Variants in MFHAS1 observed in about 807,000 individuals in gnomAD.
The protein encoded by MFHAS1 is multifunctional ROCO family signaling regulator 1, also known as malignant fibrous histiocytoma-amplified sequence 1.
A neutral mutation model predicts 70.4 loss-of-function variants in MFHAS1; 50 were observed. The ratio of observed to expected loss-of-function variants is 0.71; its 90% CI spans 0.57 to 0.90. MFHAS1 has a LOEUF of 0.90. Ranked by LOEUF, MFHAS1 falls within the 40% of genes least tolerant of loss-of-function variation. The pLI, the probability that MFHAS1 is intolerant of heterozygous loss-of-function variation, is 0.00. For missense variants in MFHAS1, 1,795 were observed against 1,347.6 expected (o/e 1.33, Z -5.20); for synonymous variants, 952 against 620.0 (o/e 1.54, Z -7.96).
Position 8,798,393 on chromosome 8 carries a change from A to C in MFHAS1, c.2999-902T>G, listed in dbSNP as rs145773802. On this transcript the variant is annotated intron_variant, in intron 1 of 2. Transcript: ENST00000276282. ...CAGGCTGAAGTGCAGTGGCCTAATC[A>C]CAGCTCTCTGCAGCCTCAATCTCCC... Among the ~76,000 whole-genome samples, 1,051 of 152,278 alleles carry C rather than the reference A, an allele frequency of 6.9e-3. 11 individuals carry two copies. The highest frequency in any genetic ancestry group is 0.024 in the African/African-American group (1,006 of 41,554).
At chr8:8,826,290 C>G (rs1223170870) in intron 1 of MFHAS1, among the ~76,000 whole-genome samples, 1 of 150,634 alleles carries the variant, frequency 6.6e-6, no homozygotes, top group Non-Finnish European at 1.5e-5. Flanking sequence ...CACACTGCTG[C>G]CTACCCAATA....
At chr8:8,886,339 A>AT (rs1016596679) in intron 1 of MFHAS1, among the ~76,000 whole-genome samples, 69 of 150,444 alleles carry the variant, frequency 4.6e-4, no homozygotes, top group African/African-American at 1.3e-3. Context: ...TTTATTTTTT[A>AT]TTTTTTTTTG....
chr8:8,797,058 CA>C, intron 2 of MFHAS1, among the ~76,000 whole-genome samples: 1 of 151,136 alleles, frequency 6.6e-6, no homozygotes, highest in Non-Finnish European at 1.5e-5. Context: ...AACTGAAAAC[CA>C]ATGAACTGTA....
intron 2 of MFHAS1, among the ~76,000 whole-genome samples, chr8:8,797,097 G>A (rs1209070456): frequency 1.3e-5 from 2 of 149,606 alleles, no homozygotes; most frequent in African/African-American, 5.0e-5. Flanking sequence ...TGTGGTATGT[G>A]AATGACATCT....
At chr8:8,888,374 C>G (rs1809851638) in intron 1 of MFHAS1, among the ~76,000 whole-genome samples, 1 of 152,144 alleles carries the variant, frequency 6.6e-6, no homozygotes, top group Admixed American at 6.6e-5. Context: ...GGGACGCAGT[C>G]TTCCATTTCA....
chr8:8,892,431 C>A lies in MFHAS1; in HGVS notation c.628G>T (p.Asp210Tyr), dbSNP rs1389621943. 1 of 1,612,098 alleles carries A rather than the reference C, an allele frequency of 6.2e-7. No individual in the cohort carries two copies. Among genetic ancestry groups the A allele is most frequent in the South Asian group, 1.1e-5 (1 of 90,884 alleles). The change falls in exon 1 of 3, where the codon GAC (aspartate) becomes TAC (tyrosine). Residue 210 changes from aspartate (D) to tyrosine (Y), a missense_variant. Physicochemically the swap from Asp to Tyr is radical, Grantham distance 160. Transcript: ENST00000276282. The surrounding 1 kb of genome is among the most constrained non-coding windows in gnomAD (Gnocchi z 4.7). ...LLQLVALEELDVSSNRLRGLP... is the reference protein window; with the variant it reads ...LLQLVALEELYVSSNRLRGLP... ...CCCCGCAGCCGGTTGCTGGACACGTCCAGCTCCTCCAGGGCCACCAGCTGC... is the reference window on the plus strand; with the variant it reads ...CCCCGCAGCCGGTTGCTGGACACGTACAGCTCCTCCAGGGCCACCAGCTGC...
chr8:8,784,972 AAC>A lies in MFHAS1; in HGVS notation c.*1048_*1049del, dbSNP rs1253527673. On this transcript the variant is annotated 3_prime_UTR_variant, in exon 3 of 3. Transcript: ENST00000276282. The stretch of plus-strand genomic sequence containing the variant: ...TGGGATTATGCTCTCCAGTGAATGT[AAC>A]TGGAGCCTAAATTCACAACCTTAAG... 8 of 152,186 alleles carry A rather than the reference AAC, an allele frequency of 5.3e-5. No individual in the cohort carries two copies. Among genetic ancestry groups the A allele is most frequent in the African/African-American group, 1.9e-4 (8 of 41,438 alleles). 9.4% of individuals were successfully genotyped at this position (152,186 alleles called of 1,614,324 possible).
chr8:8,873,970 G>A (rs963971031), intron 1 of MFHAS1, among the ~76,000 whole-genome samples: 3 of 152,134 alleles, frequency 2.0e-5, no homozygotes, highest in East Asian at 1.9e-4. Flanking sequence ...TGTGAAATGC[G>A]TAATTATGCT....
chr8:8,809,965 T>C (rs781282585), intron 1 of MFHAS1, among the ~76,000 whole-genome samples: 8 of 152,196 alleles, frequency 5.3e-5, no homozygotes, highest in African/African-American at 9.7e-5. Context: ...CAAGAGAAAA[T>C]AGGACGAACC....
intron 1 of MFHAS1, among the ~76,000 whole-genome samples, chr8:8,877,286 A>C (rs111470200): frequency 0.048 from 4,495 of 93,876 alleles, 128 homozygotes; most frequent in Admixed American, 0.13. Context: ...TGGGTGACAG[A>C]GTGAGACCCT....
At chr8:8,882,881 G>C (rs532146938) in intron 1 of MFHAS1, among the ~76,000 whole-genome samples, 44 of 152,256 alleles carry the variant, frequency 2.9e-4, no homozygotes, top group Middle Eastern at 3.4e-3. Flanking sequence ...GGCTGGGTGC[G>C]GTGGCTCATG....
At chr8:8,787,081 TA>T (rs1302905207) in intron 2 of MFHAS1, among the ~76,000 whole-genome samples, 1 of 95,336 alleles carries the variant, frequency 1.0e-5, no homozygotes, top group Non-Finnish European at 2.1e-5. Flanking sequence ...TCAGTATTAT[TA>T]TTATTTTTTT....
chr8:8,828,078 C>T (rs1276577100), intron 1 of MFHAS1, among the ~76,000 whole-genome samples: 1 of 152,120 alleles, frequency 6.6e-6, no homozygotes, highest in East Asian at 1.9e-4. Context: ...AATCTGGAGG[C>T]ACAGTGTGAA....
intron 1 of MFHAS1, among the ~76,000 whole-genome samples, chr8:8,819,333 C>T (rs561476647): frequency 1.1e-4 from 16 of 152,162 alleles, no homozygotes; most frequent in South Asian, 4.1e-4. Context: ...TGGCCGGGTG[C>T]GGTGGCTCAC....
At chr8:8,812,297 C>T (rs1806578958) in intron 1 of MFHAS1, among the ~76,000 whole-genome samples, 1 of 152,124 alleles carries the variant, frequency 6.6e-6, no homozygotes, top group Non-Finnish European at 1.5e-5. Context: ...GAGACTGAAG[C>T]CGGCGTAAGA....
chr8:8,866,827 T>C (rs1554487434), intron 1 of MFHAS1, among the ~76,000 whole-genome samples: 1 of 152,198 alleles, frequency 6.6e-6, no homozygotes, highest in Non-Finnish European at 1.5e-5. Context: ...TAACAAGCAA[T>C]TACCTTGAGG....
rs143839274 is a variant in MFHAS1 at position 8,876,842 on chromosome 8, G to A, written c.2998+13219C>T. Reference sequence around the variant, plus strand: ...CCAGTTACTCGGGAGGCTAAGGTAAGAGAATCACTTGAACCCAGGAGGCAG... The same window carrying A: ...CCAGTTACTCGGGAGGCTAAGGTAAAAGAATCACTTGAACCCAGGAGGCAG... On this transcript the variant is annotated intron_variant, in intron 1 of 2. Coordinates refer to ENST00000276282, the MANE Select transcript of MFHAS1 (RefSeq NM_004225.3). Among the ~76,000 whole-genome samples, 856 of 152,054 alleles carry A rather than the reference G, an allele frequency of 5.6e-3. 11 individuals are homozygous for A. Among genetic ancestry groups the A allele is most frequent in the African/African-American group, 0.02 (825 of 41,472 alleles).
At position 8,893,127 on chromosome 8, in the gene MFHAS1, G is replaced by A. The variant is rs1250567809; in HGVS notation, c.-69C>T. ...GCAGCTACATGCCGCGCCGCGCCCC[G>A]GGCCCTCCGGCTCCTGCCCCTGCCT... is the stretch of plus-strand genomic sequence containing the variant. On this transcript the variant is annotated 5_prime_UTR_variant, in exon 1 of 3. Transcript: ENST00000276282. 6 of 1,193,116 alleles carry A rather than the reference G, an allele frequency of 5.0e-6. No individual in the cohort carries two copies. The highest frequency in any genetic ancestry group is 3.0e-4 in the Middle Eastern group (1 of 3,380). 73.9% of individuals were successfully genotyped at this position (1,193,116 alleles called of 1,614,324 possible).
In MFHAS1 at chr8:8,784,899, G is replaced by A. The variant is rs1320683433; in HGVS notation, c.*1123C>T. On this transcript the variant is annotated 3_prime_UTR_variant, in exon 3 of 3. Transcript: ENST00000276282. ...TAAAACAAGGGTATTACTAGTTCTT[G>A]GCAGGAGACCGTCCAATCAGAGGCT... 6.6e-6 allele frequency: 1 copy of A among 152,148 alleles called. No individual in the cohort carries two copies. Among genetic ancestry groups the A allele is most frequent in the Non-Finnish European group, 1.5e-5 (1 of 68,034 alleles). The allele number at this position is 152,148 out of a possible 1,614,324, so 9.4% of individuals were successfully genotyped here. A position where few individuals can be genotyped will look rare whatever the true frequency, so the allele number is the denominator to read the frequency against.
Sources: gnomAD v4.1 joint callset for allele counts (sites outside exome capture counted in the v4.1 genomes callset) on GRCh38, gnomAD v4.1.1 for gene constraint, Gnocchi (gnomAD v3.1) non-coding constraint, MANE v1.5 for transcripts, NCBI Gene and HGNC (gene_info 2026-07-23, HGNC 2026-07-21) for gene names.